Variants in ADGRL2 observed in about 807,000 individuals in gnomAD.
ADGRL2 encodes the protein calcium-independent alpha-latrotoxin receptor 2.
In ADGRL2, 44 loss-of-function variants were observed where a neutral mutation model predicts 157.4. The ratio of observed to expected loss-of-function variants is 0.28; its 90% CI spans 0.22 to 0.36. The LOEUF (loss-of-function observed/expected upper bound fraction) is 0.36, where lower values mean the gene tolerates loss of function less well. ADGRL2 is among the 10% of genes least tolerant of loss of function. ADGRL2 has a pLI of 1.00. For synonymous variants in ADGRL2, 585 were observed against 624.7 expected (o/e 0.94, Z 0.95); for missense variants, 1,510 against 1,768.9 (o/e 0.85, Z 2.63).
chr1:81,644,698 T>C (rs1282561694), intron 3 of ADGRL2, among the ~76,000 whole-genome samples: 1 of 152,166 alleles, frequency 6.6e-6, no homozygotes, highest in East Asian at 1.9e-4. Context: ...TAATGTAAAC[T>C]ATGGACTCCC....
At chr1:81,867,441 C>G (rs1443947627) in intron 2 of ADGRL2, among the ~76,000 whole-genome samples, 3 of 152,284 alleles carry the variant, frequency 2.0e-5, no homozygotes, top group Middle Eastern at 3.4e-3. Context: ...TGGCTCTTTT[C>G]AGATTTGTAT....
chr1:81,743,505 A>C (rs2149232637), intron 1 of ADGRL2, among the ~76,000 whole-genome samples: 1 of 151,960 alleles, frequency 6.6e-6, no homozygotes, highest in South Asian at 2.1e-4. Flanking sequence ...AGAGAGGAAA[A>C]GGAAAGGGAT....
In ADGRL2 at chr1:81,702,275, C is replaced by T. The variant is rs571987923; in HGVS notation, c.-143+2467C>T. On this transcript the variant is annotated intron_variant, in intron 1 of 20. Coordinates refer to the ADGRL2 transcript ENST00000359929. ...CCACAAGTAGGCAGGCATCTACCTA[C>T]GTGTTTTCAATATGACCAGCTGAGA... 5.9e-5 allele frequency among the ~76,000 whole-genome samples: 9 copies of T among 152,298 alleles called. No homozygotes were observed. The South Asian group carries it at 6.2e-4, about 11-fold the overall frequency.
intron 2 of ADGRL2, among the ~76,000 whole-genome samples, chr1:81,511,012 C>T (rs1475997035): frequency 6.6e-6 from 1 of 152,088 alleles, no homozygotes; most frequent in East Asian, 1.9e-4. Flanking sequence ...TATCTTAGCA[C>T]TGAATGTGAA....
At chr1:81,566,648 C>T (rs1024782523) in intron 2 of ADGRL2, among the ~76,000 whole-genome samples, 2 of 152,050 alleles carry the variant, frequency 1.3e-5, no homozygotes, top group East Asian at 3.9e-4. Context: ...TTGCCTGGGA[C>T]AAATCTTCCC....
chr1:81,755,203 A>C (rs921213867), intron 1 of ADGRL2, among the ~76,000 whole-genome samples: 1 of 126,120 alleles, frequency 7.9e-6, no homozygotes, highest in Non-Finnish European at 1.6e-5. Context: ...TATATATATA[A>C]ATGCATATAT....
chr1:81,720,633 C>T (rs1472132023), intron 1 of ADGRL2, among the ~76,000 whole-genome samples: 1 of 151,910 alleles, frequency 6.6e-6, no homozygotes, highest in Non-Finnish European at 1.5e-5. Context: ...TATGAAACTA[C>T]AAAATTTTAG....
intron 3 of ADGRL2, among the ~76,000 whole-genome samples, chr1:81,582,037 A>G (rs1433643323): frequency 1.3e-5 from 2 of 152,008 alleles, no homozygotes; most frequent in Admixed American, 6.6e-5. Context: ...CCTGGCCAAC[A>G]TGGTGAAACC....
At chr1:81,769,198 T>C (rs2086256959) in intron 2 of ADGRL2, among the ~76,000 whole-genome samples, 1 of 152,208 alleles carries the variant, frequency 6.6e-6, no homozygotes, top group African/African-American at 2.4e-5. Context: ...TGTTTTTTCA[T>C]TTCTTTAAGG....
chr1:81,669,293 A>G (rs2082817352), intron 3 of ADGRL2, among the ~76,000 whole-genome samples: 1 of 152,148 alleles, frequency 6.6e-6, no homozygotes, highest in African/African-American at 2.4e-5. Context: ...ACACAACTAT[A>G]GTCCCAGATA....
At chr1:81,656,764 C>A (rs1032462952) in intron 3 of ADGRL2, among the ~76,000 whole-genome samples, 1 of 152,058 alleles carries the variant, frequency 6.6e-6, no homozygotes, top group Non-Finnish European at 1.5e-5. Flanking sequence ...AATACAAACA[C>A]TTTGGGAGGC....
chr1:81,444,411 C>T (rs1055821453), intron 1 of ADGRL2, among the ~76,000 whole-genome samples: 7 of 152,120 alleles, frequency 4.6e-5, no homozygotes, highest in Non-Finnish European at 1.0e-4. Flanking sequence ...TAAAATGTTT[C>T]TTCAGTTTGA....
At chr1:81,334,967 G>T (rs529001736) in intron 1 of ADGRL2, among the ~76,000 whole-genome samples, 193 of 152,258 alleles carry the variant, frequency 1.3e-3, no homozygotes, top group Non-Finnish European at 1.6e-3. Context: ...TATGTCAAGG[G>T]CTTCACATGT....
At chr1:81,360,668 A>G (rs1411191043) in intron 1 of ADGRL2, among the ~76,000 whole-genome samples, 1 of 151,866 alleles carries the variant, frequency 6.6e-6, no homozygotes, top group Non-Finnish European at 1.5e-5. Flanking sequence ...TCATATCTGT[A>G]TTTCCAGGAC....
chr1:81,987,043 A>G lies in ADGRL2; in HGVS notation c.3637+14A>G, dbSNP rs1663361858. On this transcript the variant is annotated intron_variant, in intron 22 of 23. Coordinates refer to ENST00000686636, the MANE Select transcript of ADGRL2 (RefSeq NM_001366006.2). ...TTAACTCACCAGGTGTGCTTTACTT[A>G]CAAATAAAACTACCTTTCTTTGCTG... 6.2e-7 allele frequency: 1 copy of G among 1,607,468 alleles called. No homozygotes were observed. Among genetic ancestry groups the G allele is most frequent in the Non-Finnish European group, 8.5e-7 (1 of 1,177,974 alleles).
chr1:81,983,120 G>C (rs967853318), intron 19 of ADGRL2, among the ~76,000 whole-genome samples: 4 of 151,872 alleles, frequency 2.6e-5, no homozygotes, highest in African/African-American at 9.7e-5. Context: ...ACAAATCATA[G>C]ACATAGCAGA....
intron 1 of ADGRL2, among the ~76,000 whole-genome samples, chr1:81,359,420 C>T (rs7518796): frequency 0.035 from 5,320 of 151,968 alleles, 118 homozygotes; most frequent in Middle Eastern, 0.1. Context: ...CATCGCTATC[C>T]CTAGAGGTAT....
At chr1:81,776,191 A>ACTT (rs2086574804) in intron 2 of ADGRL2, among the ~76,000 whole-genome samples, 2 of 144,986 alleles carry the variant, frequency 1.4e-5, no homozygotes, top group Admixed American at 6.9e-5. Context: ...ACCTTAAAGC[A>ACTT]TTTTTTTTTT....
intron 2 of ADGRL2, among the ~76,000 whole-genome samples, chr1:81,885,182 T>C (rs2094097998): frequency 6.6e-6 from 1 of 152,226 alleles, no homozygotes; most frequent in South Asian, 2.1e-4. Context: ...TTAGCTGGTA[T>C]CATCTATTTG....
Sources: allele counts gnomAD v4.1 joint callset (sites outside exome capture counted in the v4.1 genomes callset), GRCh38; gene constraint gnomAD v4.1.1; transcripts MANE v1.5; gene names NCBI Gene and HGNC (gene_info 2026-07-23, HGNC 2026-07-21).